The following ZNF57 variants were observed in gnomAD, a reference collection of about 807,000 sequenced individuals.
ZNF57 encodes the protein zinc finger protein 57.
ZNF57 carries 11 observed loss-of-function variants against 13.4 expected under a neutral mutation model. The ratio of observed to expected loss-of-function variants is 0.82; its 90% confidence interval spans 0.52 to 1.36. ZNF57 has a LOEUF of 1.36. ZNF57 is among the 40% of genes most tolerant of loss of function. The probability of loss-of-function intolerance (pLI) is 0.00; values close to 1 mark genes in which losing one functional copy is unlikely to be tolerated. For synonymous variants in ZNF57, 224 were observed against 238.5 expected, an observed-to-expected ratio of 0.94 and a Z score of 0.56; for missense variants, 696 against 667.5, an observed-to-expected ratio of 1.04 and a Z score of -0.47.
At chr19:2,908,569 G>A (rs1037758076) in intron 1 of ZNF57, among the ~76,000 whole-genome samples, 1 of 144,692 alleles carries the variant, frequency 6.9e-6, no homozygotes, top group East Asian at 2.1e-4. Context: ...ACAGGCACCC[G>A]TCACCACGCC....
chr19:2,905,251 G>A (rs1399039457), intron 1 of ZNF57, among the ~76,000 whole-genome samples: 3 of 151,450 alleles, frequency 2.0e-5, no homozygotes, highest in African/African-American at 7.3e-5. Context: ...TGCATCCTCC[G>A]TCTCCAGGGT....
Position 2,900,995 on chromosome 19 carries a change from G to C in ZNF57, c.-51G>C. 6.4e-7 allele frequency: 1 copy of C among 1,551,024 alleles called. No individual in the cohort carries two copies. The highest frequency in any genetic ancestry group is 8.7e-7 in the Non-Finnish European group (1 of 1,146,582). ...GTACCTGTACCTTTCAGCTGCGCCG[G>C]CCGCGAGGCCACGGAGAGCTCGCCT... is the stretch of plus-strand genomic sequence containing the variant. On this transcript the variant is annotated 5_prime_UTR_variant, in exon 1 of 4. Transcript: ENST00000306908.
chr19:2,916,722 T>C, intron 3 of ZNF57: 1 of 416,590 alleles, frequency 2.4e-6, no homozygotes, highest in Non-Finnish European at 4.1e-6. Flanking sequence ...TCTCAAAAAA[T>C]AAATAAATAA....
intron 1 of ZNF57, 128 bp downstream of exon 1, chr19:2,901,176 T>C (rs1334642919): frequency 6.9e-6 from 8 of 1,162,908 alleles, no homozygotes; most frequent in Non-Finnish European, 7.9e-6. Flanking sequence ...GACTAGCACC[T>C]GGGACCCGGG....
chr19:2,902,564 C>T (rs2088039096), intron 1 of ZNF57, among the ~76,000 whole-genome samples: 1 of 152,080 alleles, frequency 6.6e-6, no homozygotes, highest in South Asian at 2.1e-4. Context: ...AGTAGTTTTT[C>T]AAATGCCAAA....
In ZNF57 at chr19:2,917,208, A is replaced by G. The variant is rs769451545; in HGVS notation, c.587A>G (p.Tyr196Cys). ...AGAACTGACACTGAGGAGAAGCCGT[A>G]TAAGTGTCAAGCATGTGGGCAAACT... Reference protein sequence around the residue: ...HGRTDTEEKPYKCQACGQTFQ... With the variant: ...HGRTDTEEKPCKCQACGQTFQ... Residue 196 changes from tyrosine (Y) to cysteine (C), a missense_variant, in exon 4 of 4, where the codon TAT (tyrosine) becomes TGT (cysteine). Tyr to Cys is a radical substitution (Grantham distance 194). Around this residue, in one of 3 missense-constraint regions of ZNF57, gnomAD observed 645 missense variants for 591.5 expected, o/e 1.09. Coordinates refer to ENST00000306908, the MANE Select transcript of ZNF57 (RefSeq NM_173480.3). The G allele has an allele frequency of 2.5e-5, 40 of 1,614,116 alleles. No individual in the cohort carries two copies. Among genetic ancestry groups the G allele is most frequent in the East Asian group, 6.7e-5 (3 of 44,906 alleles).
chr19:2,909,211 G>A (rs1173471268), intron 1 of ZNF57, among the ~76,000 whole-genome samples: 3 of 150,474 alleles, frequency 2.0e-5, no homozygotes, highest in African/African-American at 7.3e-5. Context: ...ATATTTAGGA[G>A]TGGAATTTCC....
chr19:2,917,843 C>T lies in ZNF57; in HGVS notation c.1222C>T (p.Arg408Ter), dbSNP rs752785540. Residue 408 changes from arginine to a stop codon, truncating the protein, a stop_gained, in exon 4 of 4, where the codon CGA becomes TGA. Coordinates refer to ENST00000306908, the MANE Select transcript of ZNF57 (RefSeq NM_173480.3). LOFTEE classifies it low-confidence loss of function (END_TRUNC). ...GGCTTTTACCTCTTCCAGATCATTC[C>T]GAGGTCATTTGAGGACGCACACTGG... is the stretch of plus-strand genomic sequence containing the variant. ...GKAFTSSRSF[R>*]GHLRTHTGEK... is the part of the protein sequence containing the mutation. The T allele has an allele frequency of 2.6e-5, 42 of 1,611,576 alleles. No individual in the cohort carries two copies. The highest frequency in any genetic ancestry group is 1.1e-4 in the East Asian group (5 of 44,716).
rs369791168 is a variant in ZNF57, at chr19:2,917,754, C to T, written c.1133C>T (p.Thr378Met). The T allele has an allele frequency of 3.2e-5, 52 of 1,613,446 alleles. No individual in the cohort carries two copies. The highest frequency in any genetic ancestry group is 6.6e-5 in the South Asian group (6 of 90,996). The change falls in exon 4 of 4, where the codon ACG becomes ATG. Residue 378 changes from threonine (T) to methionine (M), a missense_variant. Physicochemically the swap from Thr to Met is moderately conservative, Grantham distance 81. Around this residue, in one of 3 missense-constraint regions of ZNF57, gnomAD observed 645 missense variants for 591.5 expected, o/e 1.09. Transcript: ENST00000306908. ...QCGKAFTWSS[T>M]FREHVRIHTQ... ...GGGAAAGCCTTCACTTGGTCCTCAA[C>T]GTTTAGAGAACATGTGAGAATTCAC...
chr19:2,906,604 A>G lies in ZNF57; in HGVS notation c.3+5556A>G, dbSNP rs935451940. ...CCCCTCCCTAGCTGGCCAGTAAAGAAACAGTCCAAAGCCACACGGTCATCT... is the reference window on the plus strand; with the variant it reads ...CCCCTCCCTAGCTGGCCAGTAAAGAGACAGTCCAAAGCCACACGGTCATCT... On this transcript the variant is annotated intron_variant, in intron 1 of 3. Coordinates refer to ENST00000306908, the MANE Select transcript of ZNF57 (RefSeq NM_173480.3). 2.0e-5 allele frequency among the ~76,000 whole-genome samples: 3 copies of G among 152,176 alleles called. No individual in the cohort carries two copies. The South Asian group carries it at 6.2e-4, about 32-fold the overall frequency.
intron 1 of ZNF57, among the ~76,000 whole-genome samples, chr19:2,903,761 C>T (rs958070216): frequency 2.0e-5 from 3 of 150,334 alleles, no homozygotes; most frequent in African/African-American, 7.4e-5. Flanking sequence ...GTCGCCCAGG[C>T]TGGAGTGCAG....
At chr19:2,902,978 G>A (rs1425953485) in intron 1 of ZNF57, among the ~76,000 whole-genome samples, 1 of 152,180 alleles carries the variant, frequency 6.6e-6, no homozygotes, top group Admixed American at 6.5e-5. Flanking sequence ...TGAGCCCACA[G>A]TTGAGCCTGC....
intron 1 of ZNF57, among the ~76,000 whole-genome samples, 181 bp downstream of exon 1, chr19:2,901,229 G>A (rs890474048): frequency 2.7e-5 from 4 of 149,194 alleles, no homozygotes; most frequent in African/African-American, 4.9e-5. Context: ...GGGGCAGTTT[G>A]GGGGGACGGA....
chr19:2,911,457 C>T (rs971710228), intron 1 of ZNF57, among the ~76,000 whole-genome samples: 6 of 151,978 alleles, frequency 3.9e-5, no homozygotes, highest in Admixed American at 3.3e-4. Context: ...CTCCTGAACC[C>T]GAGAGGCAGA....
At chr19:2,912,230 G>A (rs1267900570) in intron 1 of ZNF57, 1 of 152,212 alleles carries the variant, frequency 6.6e-6, no homozygotes, top group Admixed American at 6.5e-5. Context: ...ATGAATAGAG[G>A]AAGATGATGG....
In ZNF57 at chr19:2,910,622, A is replaced by G. The variant is rs376391635; in HGVS notation, c.4-4900A>G. 1.5e-4 allele frequency among the ~76,000 whole-genome samples: 17 copies of G among 113,148 alleles called. 6 individuals are homozygous for G. Among genetic ancestry groups the G allele is most frequent in the Admixed American group, 7.3e-4 (7 of 9,576 alleles). 74.2% of individuals were successfully genotyped at this position (113,148 alleles called of 152,430 possible). ...ACTACAGGTACTCCCCGCCATGCCCAGCTAATTTTTTGTATTTTTAGTAGA... is the reference window on the plus strand; with the variant it reads ...ACTACAGGTACTCCCCGCCATGCCCGGCTAATTTTTTGTATTTTTAGTAGA... On this transcript the variant is annotated intron_variant, in intron 1 of 3. Transcript: ENST00000306908.
At chr19:2,908,695 G>A (rs1000495396) in intron 1 of ZNF57, among the ~76,000 whole-genome samples, 2 of 151,892 alleles carry the variant, frequency 1.3e-5, no homozygotes, top group Non-Finnish European at 2.9e-5. Flanking sequence ...GAGCCACTGC[G>A]CCCGGCCATT....
intron 1 of ZNF57, among the ~76,000 whole-genome samples, chr19:2,910,882 C>G (rs1034598651): frequency 2.0e-5 from 3 of 150,328 alleles, no homozygotes; most frequent in Admixed American, 6.7e-5. Flanking sequence ...GCGTGAGCCA[C>G]CGGGCCCGGC....
chr19:2,905,593 T>C (rs1288315303), intron 1 of ZNF57, among the ~76,000 whole-genome samples: 3 of 151,336 alleles, frequency 2.0e-5, no homozygotes, highest in Non-Finnish European at 4.4e-5. Flanking sequence ...TGAAACCCCG[T>C]CTCTACTAAA....
Sources: gnomAD v4.1 joint callset for allele counts (sites outside exome capture counted in the v4.1 genomes callset) on GRCh38, gnomAD v4.1.1 for gene constraint, gnomAD v4.1.1 regional missense constraint, MANE v1.5 for transcripts, NCBI Gene and HGNC (gene_info 2026-07-23, HGNC 2026-07-21) for gene names.